NCALD: variants seen among roughly 807,000 people sequenced by gnomAD.
The protein encoded by NCALD is neurocalcin-delta.
In NCALD, 10 loss-of-function variants were observed where a neutral mutation model predicts 18.6. The observed-to-expected ratio is 0.54, with a 90% CI of 0.33 to 0.91. The LOEUF is 0.91. NCALD is among the 40% of genes least tolerant of loss of function. The probability of loss-of-function intolerance (pLI) is 0.03; values close to 1 mark genes in which losing one functional copy is unlikely to be tolerated. For missense variants in NCALD, 184 were observed against 247.6 expected (o/e 0.74, Z 1.72); for synonymous variants, 88 against 87.4 (o/e 1.01, Z -0.04).
intron 1 of NCALD, among the ~76,000 whole-genome samples, chr8:101,766,484 C>A (rs780932329): frequency 2.6e-5 from 4 of 152,142 alleles, no homozygotes; most frequent in Admixed American, 2.6e-4. Flanking sequence ...GATCCCTAAC[C>A]TGAGCTTCTA....
chr8:101,820,002 T>C (rs1813656729), intron 4 of NCALD, among the ~76,000 whole-genome samples: 1 of 152,250 alleles, frequency 6.6e-6, no homozygotes, highest in South Asian at 2.1e-4. Flanking sequence ...CTTTATTGTC[T>C]AACCATTTTA....
At chr8:102,025,379 T>C (rs1822418488) in intron 1 of NCALD, among the ~76,000 whole-genome samples, 2 of 152,226 alleles carry the variant, frequency 1.3e-5, no homozygotes, top group South Asian at 2.1e-4. Flanking sequence ...ATATTTAATA[T>C]TGAGGTTATG....
intron 2 of NCALD, among the ~76,000 whole-genome samples, chr8:101,933,921 T>A (rs1818665177): frequency 6.6e-6 from 1 of 152,224 alleles, no homozygotes; most frequent in Admixed American, 6.5e-5. Context: ...TTCATAAATA[T>A]ATGATAGTGG....
intron 1 of NCALD, among the ~76,000 whole-genome samples, chr8:102,024,686 C>T (rs1822392543): frequency 2.0e-5 from 3 of 152,200 alleles, no homozygotes. Flanking sequence ...CACCCCATTT[C>T]CATTGCCTTA....
intron 1 of NCALD, among the ~76,000 whole-genome samples, chr8:101,763,966 CCACACACACACACACACACA>C (rs754411989): frequency 2.3e-5 from 2 of 85,172 alleles, no homozygotes; most frequent in African/African-American, 7.9e-5. Flanking sequence ...CTCTCTCTCT[CCACACACACACACACACACA>C]CACACACACA....
intron 4 of NCALD, among the ~76,000 whole-genome samples, chr8:101,886,897 T>C (rs1816696881): frequency 6.6e-6 from 1 of 152,142 alleles, no homozygotes; most frequent in Non-Finnish European, 1.5e-5. Flanking sequence ...TTCCGCTTAA[T>C]CAGTCACCAG....
intron 4 of NCALD, among the ~76,000 whole-genome samples, chr8:101,837,780 C>T (rs1320339982): frequency 6.6e-6 from 1 of 152,148 alleles, no homozygotes; most frequent in Non-Finnish European, 1.5e-5. Context: ...ACCCTGGGCC[C>T]TAGTCAAGGT....
chr8:101,896,580 C>A (rs180973862), intron 3 of NCALD, among the ~76,000 whole-genome samples: 8,272 of 151,384 alleles, frequency 0.055, 547 homozygotes, highest in African/African-American at 0.16. Flanking sequence ...AAACAGGCAA[C>A]CTACAAAATG....
chr8:101,990,688 A>G (rs1821010158), intron 2 of NCALD, among the ~76,000 whole-genome samples: 1 of 152,178 alleles, frequency 6.6e-6, no homozygotes, highest in African/African-American at 2.4e-5. Flanking sequence ...TGAGGCCTCC[A>G]TGCCACATGG....
At chr8:102,009,509 C>T (rs759498406) in intron 2 of NCALD, among the ~76,000 whole-genome samples, 44 of 152,140 alleles carry the variant, frequency 2.9e-4, no homozygotes, top group Non-Finnish European at 5.4e-4. Flanking sequence ...TAGCTGGGGT[C>T]CTTCATATTT....
At chr8:101,707,484 A>T (rs1815582658) in intron 2 of NCALD, among the ~76,000 whole-genome samples, 1 of 152,232 alleles carries the variant, frequency 6.6e-6, no homozygotes, top group South Asian at 2.1e-4. Flanking sequence ...TGCCTTATTC[A>T]TCACAGGGGT....
chr8:102,000,060 C>T (rs535436935), intron 2 of NCALD, among the ~76,000 whole-genome samples: 23 of 152,248 alleles, frequency 1.5e-4, no homozygotes, highest in Non-Finnish European at 2.6e-4. Flanking sequence ...TCCAGCGCAC[C>T]GAGCGTGAGC....
At chr8:101,714,991 G>A (rs1447588362) in intron 2 of NCALD, among the ~76,000 whole-genome samples, 28 of 133,198 alleles carry the variant, frequency 2.1e-4, no homozygotes, top group African/African-American at 3.9e-4. Context: ...GCGACAGAGC[G>A]AGACTCCGTC....
intron 3 of NCALD, among the ~76,000 whole-genome samples, chr8:101,897,365 G>T (rs913354661): frequency 1.5e-5 from 2 of 133,818 alleles, no homozygotes; most frequent in Admixed American, 1.6e-4. Context: ...GGGGACTGTG[G>T]TGGGGTGGGG....
intron 2 of NCALD, among the ~76,000 whole-genome samples, chr8:101,952,758 C>T (rs1290471029): frequency 1.3e-5 from 2 of 152,162 alleles, no homozygotes; most frequent in African/African-American, 4.8e-5. Flanking sequence ...GTGGATGGCA[C>T]TGCATAGTTC....
chr8:101,869,805 T>A (rs976020695), intron 4 of NCALD, among the ~76,000 whole-genome samples: 3 of 152,228 alleles, frequency 2.0e-5, no homozygotes, highest in Non-Finnish European at 4.4e-5. Context: ...CATAATGGCA[T>A]TTAATTAATC....
chr8:101,966,957 C>T (rs186310720), intron 2 of NCALD, among the ~76,000 whole-genome samples: 29 of 152,064 alleles, frequency 1.9e-4, no homozygotes, highest in Admixed American at 1.7e-3. Flanking sequence ...TTATGGGGAA[C>T]AAATTAGGAT....
chr8:101,863,069 T>G (rs900376932), intron 4 of NCALD, among the ~76,000 whole-genome samples: 1 of 152,172 alleles, frequency 6.6e-6, no homozygotes, highest in Non-Finnish European at 1.5e-5. Flanking sequence ...GGTTCTGAAA[T>G]GAAATCCAAG....
At chr8:102,030,994 GA>G (rs1420311445) in intron 1 of NCALD, among the ~76,000 whole-genome samples, 1 of 150,454 alleles carries the variant, frequency 6.6e-6, no homozygotes, top group East Asian at 1.9e-4. Context: ...CATGACCTTA[GA>G]AACCCCAATA....
Sources: gnomAD v4.1 joint callset for allele counts (sites outside exome capture counted in the v4.1 genomes callset) on GRCh38, gnomAD v4.1.1 for gene constraint, MANE v1.5 for transcripts, NCBI Gene and HGNC (gene_info 2026-07-23, HGNC 2026-07-21) for gene names.